SUPT3H: variants seen among roughly 807,000 people sequenced by gnomAD.
SUPT3H encodes the protein SPT3 homolog, SAGA and STAGA complex component.
A neutral mutation model predicts 44.3 loss-of-function variants in SUPT3H; 44 were observed. That is an observed-to-expected ratio of 0.99 (90% CI 0.78 to 1.28). The LOEUF is 1.28. Among genes scored for constraint, SUPT3H ranks in the 50% most tolerant of loss-of-function variants. The pLI is 0.00. For synonymous variants in SUPT3H, 124 were observed against 125.6 expected (o/e 0.99, Z 0.09); for missense variants, 380 against 387.1 (o/e 0.98, Z 0.15).
chr6:45,182,210 A>T (rs1471833234), intron 2 of SUPT3H, among the ~76,000 whole-genome samples: 1 of 152,198 alleles, frequency 6.6e-6, no homozygotes, highest in African/African-American at 2.4e-5. Flanking sequence ...TTACTGTCCC[A>T]TAGAGCTTAT....
intron 3 of SUPT3H, among the ~76,000 whole-genome samples, chr6:45,077,626 C>CAAAAAAAAA (rs70993493): frequency 0.095 from 3,216 of 33,984 alleles, 760 homozygotes; most frequent in African/African-American, 0.22. Flanking sequence ...GACCTTGTTT[C>CAAAAAAAAA]AAAAAAAAAA....
chr6:45,085,559 A>T (rs1796377243), intron 3 of SUPT3H, among the ~76,000 whole-genome samples: 1 of 152,144 alleles, frequency 6.6e-6, no homozygotes, highest in South Asian at 2.1e-4. Context: ...GAACTTGATG[A>T]TTATGGAAAA....
chr6:44,968,615 T>A lies in SUPT3H; in HGVS notation c.505-6787A>T, dbSNP rs191914584. On this transcript the variant is annotated intron_variant, in intron 6 of 10. Transcript: ENST00000371459. ...TCTTTTTATTCCACTGCAAAAGTCA[T>A]CATTTTGGTCCTGGGGTATTGCAAC... Among the ~76,000 whole-genome samples the A allele has an allele frequency of 2.4e-3, 359 of 152,228 alleles. 1 individual carries two copies. The highest frequency in any genetic ancestry group is 8.2e-3 in the African/African-American group (340 of 41,546).
intron 7 of SUPT3H, 96 bp downstream of exon 7, chr6:44,961,657 C>T (rs1776042273): frequency 2.0e-6 from 2 of 989,606 alleles, no homozygotes; most frequent in South Asian, 1.4e-5. Context: ...ATATTAAATC[C>T]ACCAATTTCT....
chr6:45,361,613 G>A (rs895386188), intron 2 of SUPT3H: 3 of 152,084 alleles, frequency 2.0e-5, no homozygotes, highest in African/African-American at 4.8e-5. Flanking sequence ...AAAACCTCTG[G>A]ACCATTCCAG....
intron 10 of SUPT3H, among the ~76,000 whole-genome samples, chr6:44,880,475 G>A (rs1049429327): frequency 1.6e-4 from 24 of 152,178 alleles, no homozygotes; most frequent in African/African-American, 5.3e-4. Flanking sequence ...AAGTGACGGG[G>A]AGAATGGAAC....
chr6:45,270,792 A>G (rs909166060), intron 2 of SUPT3H, among the ~76,000 whole-genome samples: 2 of 152,214 alleles, frequency 1.3e-5, no homozygotes, highest in African/African-American at 4.8e-5. Context: ...GCTCAGAAAG[A>G]CAGGAAAATG....
At chr6:44,879,205 C>A (rs193235905) in intron 10 of SUPT3H, among the ~76,000 whole-genome samples, 78 of 152,316 alleles carry the variant, frequency 5.1e-4, no homozygotes, top group Middle Eastern at 6.8e-3. Flanking sequence ...GCACAGCAGT[C>A]TGAAGTCGAG....
chr6:45,337,732 T>C (rs1788875576), intron 2 of SUPT3H, among the ~76,000 whole-genome samples: 1 of 151,904 alleles, frequency 6.6e-6, no homozygotes, highest in South Asian at 2.1e-4. Context: ...AAAAGAAAGC[T>C]AAAAACAAAT....
At chr6:45,358,578 C>T (rs765639968) in intron 2 of SUPT3H, among the ~76,000 whole-genome samples, 8 of 152,066 alleles carry the variant, frequency 5.3e-5, no homozygotes, top group Non-Finnish European at 8.8e-5. Flanking sequence ...ATAATGGTAA[C>T]AAGAGCACAA....
At chr6:44,922,176 T>C (rs762699480) in intron 10 of SUPT3H, among the ~76,000 whole-genome samples, 2 of 152,250 alleles carry the variant, frequency 1.3e-5, no homozygotes, top group Non-Finnish European at 1.5e-5. Flanking sequence ...AGATTTGATC[T>C]GTGCATACAT....
intron 2 of SUPT3H, among the ~76,000 whole-genome samples, chr6:45,281,876 C>A (rs570108459): frequency 1.8e-3 from 279 of 152,274 alleles, no homozygotes; most frequent in African/African-American, 6.5e-3. Context: ...GCCGGGTACC[C>A]CTCTGAGACA....
intron 2 of SUPT3H, among the ~76,000 whole-genome samples, chr6:45,287,713 T>C (rs1171574985): frequency 6.6e-6 from 1 of 152,168 alleles, no homozygotes; most frequent in African/African-American, 2.4e-5. Context: ...AATGTCAAGG[T>C]ACTTAATGCC....
At chr6:45,061,943 T>C (rs1240970761) in intron 3 of SUPT3H, among the ~76,000 whole-genome samples, 2 of 147,620 alleles carry the variant, frequency 1.4e-5, no homozygotes, top group Non-Finnish European at 3.0e-5. Flanking sequence ...AATTGAAAGG[T>C]ATTAAATTGG....
chr6:45,245,346 T>C (rs1771151887), intron 2 of SUPT3H, among the ~76,000 whole-genome samples: 1 of 152,144 alleles, frequency 6.6e-6, no homozygotes, highest in Admixed American at 6.5e-5. Flanking sequence ...TCAGTGACAT[T>C]AAGTACATTC....
chr6:45,108,643 T>A (rs963059986), intron 2 of SUPT3H, among the ~76,000 whole-genome samples: 2 of 152,138 alleles, frequency 1.3e-5, no homozygotes, highest in Non-Finnish European at 2.9e-5. Flanking sequence ...CAGCAACCAC[T>A]CATGACATAA....
At chr6:45,351,857 A>C (rs1212911458) in intron 2 of SUPT3H, among the ~76,000 whole-genome samples, 1 of 152,150 alleles carries the variant, frequency 6.6e-6, no homozygotes, top group African/African-American at 2.4e-5. Context: ...GAGCACTTTG[A>C]AAAAGAGTAA....
chr6:44,935,613 C>T (rs1771275788), intron 9 of SUPT3H, among the ~76,000 whole-genome samples: 1 of 152,170 alleles, frequency 6.6e-6, no homozygotes, highest in Admixed American at 6.5e-5. Flanking sequence ...GTCAGGTCCT[C>T]TTCCTCTTGG....
rs57506313 is a variant in SUPT3H at position 44,944,762 on chromosome 6, C to CAAAAAAAAAAAAAAAAAAA, written c.801+8529_801+8547dup. ...GGGAGACAAAGCAAGACCCTCTCTC[C>CAAAAAAAAAAAAAAAAAAA]AAAAAAAAAAAAAAAAAAAAAAAGA... On this transcript the variant is annotated intron_variant, in intron 9 of 10. Transcript: ENST00000371459. Among the ~76,000 whole-genome samples, 188 of 29,842 alleles carry CAAAAAAAAAAAAAAAAAAA rather than the reference C, an allele frequency of 6.3e-3. 4 individuals are homozygous for CAAAAAAAAAAAAAAAAAAA. Among genetic ancestry groups the CAAAAAAAAAAAAAAAAAAA allele is most frequent in the East Asian group, 0.013 (16 of 1,276 alleles). 19.6% of individuals were successfully genotyped at this position (29,842 alleles called of 152,430 possible). A position where few individuals can be genotyped will look rare whatever the true frequency, so the allele number is the denominator to read the frequency against.
Sources: gnomAD v4.1 joint callset for allele counts (sites outside exome capture counted in the v4.1 genomes callset) on GRCh38, gnomAD v4.1.1 for gene constraint, MANE v1.5 for transcripts, NCBI Gene and HGNC (gene_info 2026-07-23, HGNC 2026-07-21) for gene names.